Variants in PRKG1 observed in about 807,000 individuals in gnomAD.
The protein encoded by PRKG1 is protein kinase cGMP-dependent 1.
A neutral mutation model predicts 88.1 loss-of-function variants in PRKG1; 35 were observed. That is an observed-to-expected ratio of 0.40 (90% CI 0.30 to 0.53). PRKG1 has a LOEUF of 0.53. Ranked by LOEUF, PRKG1 falls within the 20% of genes least tolerant of loss-of-function variation. The pLI, the probability that PRKG1 is intolerant of heterozygous loss-of-function variation, is 0.59. For missense variants in PRKG1, 540 were observed against 839.8 expected (o/e 0.64, Z 4.41); for synonymous variants, 303 against 292.5 (o/e 1.04, Z -0.37).
At chr10:51,579,415 T>C (rs1837973838) in intron 3 of PRKG1, among the ~76,000 whole-genome samples, 1 of 152,162 alleles carries the variant, frequency 6.6e-6, no homozygotes, top group South Asian at 2.1e-4. Flanking sequence ...TATCTCTCAC[T>C]ATGAAACATT....
chr10:52,214,719 A>T (rs1269407110), intron 9 of PRKG1, among the ~76,000 whole-genome samples: 2 of 152,186 alleles, frequency 1.3e-5, no homozygotes, highest in Non-Finnish European at 2.9e-5. Context: ...AAGATTACAC[A>T]GCGAAGTTCC....
intron 2 of PRKG1, among the ~76,000 whole-genome samples, chr10:51,210,217 C>G (rs560546360): frequency 6.6e-6 from 1 of 151,964 alleles, no homozygotes; most frequent in Non-Finnish European, 1.5e-5. Context: ...GAATGACTAC[C>G]GGGTACATAA....
intron 2 of PRKG1, among the ~76,000 whole-genome samples, chr10:51,241,492 C>T (rs904440449): frequency 3.4e-4 from 52 of 152,104 alleles, no homozygotes; most frequent in Non-Finnish European, 1.5e-5. Flanking sequence ...AAGTAATACC[C>T]TGCTTTAAGT....
At chr10:52,227,265 T>C (rs1271862635) in intron 9 of PRKG1, among the ~76,000 whole-genome samples, 1 of 152,170 alleles carries the variant, frequency 6.6e-6, no homozygotes, top group African/African-American at 2.4e-5. Flanking sequence ...ATTTTTTTCT[T>C]GAGGTGATGC....
At chr10:51,581,714 G>A (rs963269980) in intron 3 of PRKG1, among the ~76,000 whole-genome samples, 11 of 151,684 alleles carry the variant, frequency 7.3e-5, no homozygotes, top group African/African-American at 2.7e-4. Flanking sequence ...ACAATAATCA[G>A]GAGCATTTCA....
At chr10:52,071,135 CTTTA>C (rs35385133) in intron 7 of PRKG1, among the ~76,000 whole-genome samples, 130 of 151,572 alleles carry the variant, frequency 8.6e-4, no homozygotes, top group African/African-American at 2.8e-3. Context: ...TTTTCTTTTC[CTTTA>C]TTTATTCATA....
intron 3 of PRKG1, among the ~76,000 whole-genome samples, chr10:51,733,022 G>GGA (rs376863075): frequency 3.0e-3 from 446 of 150,520 alleles, no homozygotes; most frequent in African/African-American, 8.1e-3. Flanking sequence ...AAATGGTAGA[G>GGA]GAGAGAGAGA....
rs549395782 is a variant in PRKG1 at position 51,314,880 on chromosome 10, G to A, written c.479-152843G>A. ...AGCTAGCAGGCCCTCATCAAGTTCTGCAATTCTAACTGTATGTCTCCATTG... is the reference window on the plus strand; with the variant it reads ...AGCTAGCAGGCCCTCATCAAGTTCTACAATTCTAACTGTATGTCTCCATTG... On this transcript the variant is annotated intron_variant, in intron 2 of 17. Transcript: ENST00000373980. Among the ~76,000 whole-genome samples, 295 of 152,254 alleles carry A rather than the reference G, an allele frequency of 1.9e-3. 1 individual carries two copies. Among genetic ancestry groups the A allele is most frequent in the African/African-American group, 6.9e-3 (288 of 41,552 alleles).
At chr10:52,242,855 C>G (rs1367315841) in intron 9 of PRKG1, among the ~76,000 whole-genome samples, 1 of 151,570 alleles carries the variant, frequency 6.6e-6, no homozygotes, top group Non-Finnish European at 1.5e-5. Flanking sequence ...CAGATCACAC[C>G]ACTGCACTCC....
chr10:51,757,467 A>G (rs1027456908), intron 3 of PRKG1, among the ~76,000 whole-genome samples: 78 of 152,190 alleles, frequency 5.1e-4, no homozygotes, highest in African/African-American at 1.8e-3. Flanking sequence ...GGAACAAATT[A>G]TAGATAAAAG....
At chr10:52,040,553 G>C (rs1447611109) in intron 5 of PRKG1, among the ~76,000 whole-genome samples, 1 of 152,064 alleles carries the variant, frequency 6.6e-6, no homozygotes, top group Non-Finnish European at 1.5e-5. Context: ...TGTTTTGTGG[G>C]CCTGCTTTGA....
chr10:52,250,458 A>C (rs1361398828), intron 9 of PRKG1, among the ~76,000 whole-genome samples: 1 of 152,174 alleles, frequency 6.6e-6, no homozygotes, highest in Non-Finnish European at 1.5e-5. Flanking sequence ...GGAATAGCTA[A>C]TGTGTTACAC....
At chr10:51,712,493 C>A (rs989210295) in intron 3 of PRKG1, among the ~76,000 whole-genome samples, 1 of 149,674 alleles carries the variant, frequency 6.7e-6, no homozygotes. Flanking sequence ...ATTTGCAACA[C>A]TATTTGGAAA....
chr10:51,406,810 A>G (rs1588924867), intron 2 of PRKG1, among the ~76,000 whole-genome samples: 2 of 152,172 alleles, frequency 1.3e-5, no homozygotes, highest in South Asian at 4.1e-4. Context: ...AGAGTTCTCT[A>G]GAGGGAAAGA....
chr10:51,629,475 C>T (rs780274055), intron 3 of PRKG1, among the ~76,000 whole-genome samples: 2 of 151,548 alleles, frequency 1.3e-5, no homozygotes, highest in Non-Finnish European at 2.9e-5. Flanking sequence ...TGGGAGACAG[C>T]GACACCCAAA....
At chr10:51,184,611 T>A (rs1462623666) in intron 2 of PRKG1, among the ~76,000 whole-genome samples, 1 of 152,174 alleles carries the variant, frequency 6.6e-6, no homozygotes, top group African/African-American at 2.4e-5. Flanking sequence ...AATGAAGGGT[T>A]GTTTTTTTCT....
rs544195398 is a variant in PRKG1 at position 51,423,722 on chromosome 10, T to C, written c.479-44001T>C. ...TGGCTATAGCATTATTATTCCAACC[T>C]CCTGAGGGTTTATCTGGAAGGCTAA... On this transcript the variant is annotated intron_variant, in intron 2 of 17. Coordinates refer to ENST00000373980, the MANE Select transcript of PRKG1 (RefSeq NM_006258.4). 6.6e-5 allele frequency among the ~76,000 whole-genome samples: 10 copies of C among 152,252 alleles called. No homozygotes were observed. In the South Asian group the frequency reaches 2.1e-3, roughly 32 times the overall value.
intron 4 of PRKG1, among the ~76,000 whole-genome samples, chr10:51,875,143 T>C (rs985589018): frequency 6.6e-6 from 1 of 152,136 alleles, no homozygotes; most frequent in Admixed American, 6.6e-5. Context: ...TTCAACTCTA[T>C]CTTTCAAATG....
chr10:51,975,974 G>A (rs1014951016), intron 5 of PRKG1, among the ~76,000 whole-genome samples: 5 of 151,912 alleles, frequency 3.3e-5, no homozygotes, highest in Non-Finnish European at 5.9e-5. Context: ...AAACATTTCA[G>A]CCAAGACAAA....
Sources: allele counts gnomAD v4.1 joint callset (sites outside exome capture counted in the v4.1 genomes callset), GRCh38; gene constraint gnomAD v4.1.1; transcripts MANE v1.5; gene names NCBI Gene and HGNC (gene_info 2026-07-23, HGNC 2026-07-21).